PCDHGA6: variants seen among roughly 807,000 people sequenced by gnomAD.
PCDHGA6 encodes the protein protocadherin gamma subfamily A, 6.
PCDHGA6 carries 41 observed loss-of-function variants against 60.6 expected under a neutral mutation model. The observed-to-expected ratio is 0.68, with a 90% CI of 0.53 to 0.88. The LOEUF (loss-of-function observed/expected upper bound fraction) is 0.88. Ranked by LOEUF, PCDHGA6 falls within the 40% of genes least tolerant of loss-of-function variation. PCDHGA6 has a pLI of 0.00. For missense variants in PCDHGA6, 1,312 were observed against 1,203.0 expected (o/e 1.09, Z -1.34); for synonymous variants, 594 against 524.4 (o/e 1.13, Z -1.81).
Position 141,410,369 on chromosome 5 carries a change from A to T in PCDHGA6, c.2424+33862A>T, listed in dbSNP as rs754541017. Reference sequence around the variant, plus strand: ...CCTGCGACGCTCTCTCAGCCCTGCTACTTGGGACTGCTTCCATCCTGGTCT... The same window carrying T: ...CCTGCGACGCTCTCTCAGCCCTGCTTCTTGGGACTGCTTCCATCCTGGTCT... On this transcript the variant is annotated intron_variant, in intron 1 of 3. Coordinates refer to ENST00000517434, the MANE Select transcript of PCDHGA6 (RefSeq NM_018919.3). The T allele has an allele frequency of 5.6e-6, 9 of 1,613,836 alleles. No homozygotes were observed. The African/African-American group carries it at 1.2e-4, about 22-fold the overall frequency.
intron 1 of PCDHGA6, chr5:141,388,705 A>G: frequency 6.2e-7 from 1 of 1,613,994 alleles, no homozygotes; most frequent in African/African-American, 1.3e-5. Flanking sequence ...GAGGGTGTCA[A>G]TGCCGAGATT....
At position 141,421,474 on chromosome 5, in the gene PCDHGA6, G is replaced by C. The variant is rs1320526226; in HGVS notation, c.2424+44967G>C. 4 of 1,614,132 alleles carry C rather than the reference G, an allele frequency of 2.5e-6. No homozygotes were observed. The African/African-American group carries it at 5.3e-5, about 21-fold the overall frequency. On this transcript the variant is annotated intron_variant, in intron 1 of 3. Coordinates refer to ENST00000517434, the MANE Select transcript of PCDHGA6 (RefSeq NM_018919.3). ...GCTTTTCGCTGTGAATCCGCGAAGCGGCAGCTTGATCACGGCAGGCAGGAT... is the reference window on the plus strand; with the variant it reads ...GCTTTTCGCTGTGAATCCGCGAAGCCGCAGCTTGATCACGGCAGGCAGGAT...
intron 1 of PCDHGA6, chr5:141,427,194 T>G (rs759512205): frequency 6.6e-6 from 3 of 456,512 alleles, no homozygotes; most frequent in Non-Finnish European, 1.3e-5. Context: ...ATCCAAAGAC[T>G]TAATAGACTT....
chr5:141,500,460 C>T (rs1421637554), intron 2 of PCDHGA6, among the ~76,000 whole-genome samples: 2 of 152,234 alleles, frequency 1.3e-5, no homozygotes, highest in South Asian at 2.1e-4. Context: ...CCGCCCGCCT[C>T]GGCCTCCCAA....
At position 141,413,407 on chromosome 5, in the gene PCDHGA6, C is replaced by G. The variant is rs372466798; in HGVS notation, c.2424+36900C>G. The G allele has an allele frequency of 3.3e-5, 53 of 1,613,926 alleles. No homozygotes were observed. Among genetic ancestry groups the G allele is most frequent in the Middle Eastern group, 1.6e-4 (1 of 6,082 alleles). ...CATAGTCTCCAGAGGTAGGACGCAG[C>G]TTTTCTCTCTGAACCCGCGCAGCGG... On this transcript the variant is annotated intron_variant, in intron 1 of 3. Transcript: ENST00000517434.
In PCDHGA6 at chr5:141,491,715, G is replaced by A. The variant is rs1333909488; in HGVS notation, c.2425-3092G>A. 1 of 1,607,782 alleles carries A rather than the reference G, an allele frequency of 6.2e-7. No individual in the cohort carries two copies. Among genetic ancestry groups the A allele is most frequent in the Admixed American group, 1.7e-5 (1 of 58,966 alleles). On this transcript the variant is annotated intron_variant, in intron 1 of 3. Transcript: ENST00000517434. This position sits in a 1 kb window ranked among gnomAD's most constrained non-coding sequence, Gnocchi z 6.9. ...AGCGGAGCCAGGTGAGGGGCTCGGC[G>A]CCGCCCCGGGCGACCCCTGGGGGCG...
At chr5:141,499,606 C>T (rs2099792968) in intron 2 of PCDHGA6, among the ~76,000 whole-genome samples, 1 of 152,028 alleles carries the variant, frequency 6.6e-6, no homozygotes, top group African/African-American at 2.4e-5. Context: ...TATCCCTACC[C>T]TTATCCTGTC....
rs775034160 is a variant in PCDHGA6 at position 141,375,207 on chromosome 5, AC to A, written c.1125del (p.Ser376LeufsTer3). On this transcript the variant is annotated frameshift_variant, in exon 1 of 4. Coordinates refer to ENST00000517434, the MANE Select transcript of PCDHGA6 (RefSeq NM_018919.3). LOFTEE classifies it high-confidence loss of function. The stretch of plus-strand genomic sequence containing the variant: ...GCCCTTTTTCAAGTGTTCGATCGAG[AC>A]TCTGGCCTGAATGGCCTGGTAACCT... The part of the protein sequence containing the change: ...VIALFQVFDR[D>X]SGLNGLVTCS... 9.3e-6 allele frequency: 15 copies of A among 1,613,778 alleles called. No homozygotes were observed. Among genetic ancestry groups the A allele is most frequent in the Non-Finnish European group, 1.2e-5 (14 of 1,179,882 alleles).
At chr5:141,408,683 G>C in intron 1 of PCDHGA6, 2 of 1,613,906 alleles carry the variant, frequency 1.2e-6, no homozygotes, top group Non-Finnish European at 1.7e-6. Flanking sequence ...CACGGATCCT[G>C]ATATAAACAT....
intron 1 of PCDHGA6, chr5:141,408,114 C>G: frequency 6.8e-7 from 1 of 1,461,086 alleles, no homozygotes; most frequent in East Asian, 2.5e-5. Flanking sequence ...CGGGACTCCT[C>G]CTGTCCTGGG....
chr5:141,440,503 G>A (rs979260104), intron 1 of PCDHGA6: 10 of 152,154 alleles, frequency 6.6e-5, no homozygotes, highest in Non-Finnish European at 1.0e-4. Flanking sequence ...ACATTAATAT[G>A]GAGATTCAGG....
At chr5:141,415,701 T>C in intron 1 of PCDHGA6, 2 of 1,506,520 alleles carry the variant, frequency 1.3e-6, no homozygotes, top group Non-Finnish European at 1.8e-6. Context: ...AAAGTGTAAA[T>C]GCTAAAACAC....
chr5:141,408,362 C>T (rs773344794), intron 1 of PCDHGA6: 36 of 1,613,850 alleles, frequency 2.2e-5, no homozygotes, highest in Non-Finnish European at 3.1e-5. Flanking sequence ...CGCTAAGGAT[C>T]TAGGGCTCAG....
At chr5:141,398,061 A>G (rs541058758) in intron 1 of PCDHGA6, 863 of 1,544,254 alleles carry the variant, frequency 5.6e-4, no homozygotes, top group Middle Eastern at 1.5e-3. Flanking sequence ...CCAAAAATCT[A>G]CAATACAGAG....
intron 3 of PCDHGA6, among the ~76,000 whole-genome samples, chr5:141,507,479 C>T (rs1050741571): frequency 1.3e-5 from 2 of 152,198 alleles, no homozygotes; most frequent in East Asian, 1.9e-4. Flanking sequence ...GACTGCTGGC[C>T]TCCTGAGGCA....
chr5:141,404,215 G>A, intron 1 of PCDHGA6: 1 of 1,613,346 alleles, frequency 6.2e-7, no homozygotes, highest in Non-Finnish European at 8.5e-7. Context: ...ATAATATCAC[G>A]GTGACTGCAA....
chr5:141,509,350 G>C (rs2099876432), intron 3 of PCDHGA6, among the ~76,000 whole-genome samples: 5 of 152,142 alleles, frequency 3.3e-5, no homozygotes. Flanking sequence ...GGGCTGGCCT[G>C]GGCATCCCTG....
chr5:141,434,449 G>C (rs1392115883), intron 1 of PCDHGA6, among the ~76,000 whole-genome samples: 1 of 152,232 alleles, frequency 6.6e-6, no homozygotes, highest in Non-Finnish European at 1.5e-5. Context: ...ATGCTGGAAG[G>C]TAGTGGGTTT....
At chr5:141,422,153 AT>A (rs750082013) in intron 1 of PCDHGA6, 4 of 1,575,250 alleles carry the variant, frequency 2.5e-6, no homozygotes, top group Non-Finnish European at 3.4e-6. Context: ...GGGTCTCTGG[AT>A]TTTGAAAAAT....
Sources: gnomAD v4.1 joint callset for allele counts (sites outside exome capture counted in the v4.1 genomes callset) on GRCh38, gnomAD v4.1.1 for gene constraint, Gnocchi (gnomAD v3.1) non-coding constraint, MANE v1.5 for transcripts, NCBI Gene and HGNC (gene_info 2026-07-23, HGNC 2026-07-21) for gene names.